The following CCDC60 variants were observed in gnomAD, a reference collection of about 807,000 sequenced individuals.
The protein encoded by CCDC60 is coiled-coil domain-containing protein 60.
CCDC60 carries 54 observed loss-of-function variants against 63.5 expected under a neutral mutation model. The ratio of observed to expected loss-of-function variants is 0.85; its 90% CI spans 0.68 to 1.07. The LOEUF is 1.07. Among genes scored for constraint, CCDC60 ranks in the 50% least tolerant of loss-of-function variants. CCDC60 has a pLI of 0.00. For missense variants in CCDC60, 651 were observed against 684.3 expected (o/e 0.95, Z 0.54); for synonymous variants, 206 against 238.8 (o/e 0.86, Z 1.27).
At chr12:119,407,907 T>C (rs915736127) in intron 1 of CCDC60, among the ~76,000 whole-genome samples, 1 of 152,244 alleles carries the variant, frequency 6.6e-6, no homozygotes, top group Non-Finnish European at 1.5e-5. Flanking sequence ...AGTTCAGTTA[T>C]GGAATGATCT....
chr12:119,431,930 CG>C (rs1753278868), intron 2 of CCDC60, among the ~76,000 whole-genome samples: 1 of 152,126 alleles, frequency 6.6e-6, no homozygotes, highest in Admixed American at 6.5e-5. Context: ...CTGCCCGCCT[CG>C]GCCTCCCAAA....
chr12:119,441,556 T>TAACA (rs1262822825), intron 2 of CCDC60, among the ~76,000 whole-genome samples: 1 of 152,180 alleles, frequency 6.6e-6, no homozygotes, highest in Non-Finnish European at 1.5e-5. Flanking sequence ...TTCCAGTCTC[T>TAACA]AACACCCCAA....
Position 119,420,437 on chromosome 12 carries a change from T to C in CCDC60, c.91-8246T>C, listed in dbSNP as rs1956792370. Among the ~76,000 whole-genome samples the C allele has an allele frequency of 6.6e-6, 1 of 152,168 alleles. No homozygotes were observed. Among genetic ancestry groups the C allele is most frequent in the Non-Finnish European group, 1.5e-5 (1 of 68,036 alleles). On this transcript the variant is annotated intron_variant, in intron 1 of 13. Coordinates refer to ENST00000327554, the MANE Select transcript of CCDC60 (RefSeq NM_178499.5). The surrounding 1 kb of genome is among the most constrained non-coding windows in gnomAD (Gnocchi z 4.1). ...TGGAACTGGAGATCATTATGTTAAGTGTGTTAAGTGAAACAAGCCAGACAC... is the reference window on the plus strand; with the variant it reads ...TGGAACTGGAGATCATTATGTTAAGCGTGTTAAGTGAAACAAGCCAGACAC...
chr12:119,535,683 A>G (rs1438335774), intron 13 of CCDC60, among the ~76,000 whole-genome samples: 1 of 152,186 alleles, frequency 6.6e-6, no homozygotes. Flanking sequence ...CCCAGTAGTC[A>G]TTCAGGAGCA....
At chr12:119,390,246 G>T (rs1446869768) in intron 1 of CCDC60, among the ~76,000 whole-genome samples, 1 of 152,030 alleles carries the variant, frequency 6.6e-6, no homozygotes, top group Non-Finnish European at 1.5e-5. Context: ...TCCTTCTTTG[G>T]GTCTGTTTAG....
intron 1 of CCDC60, among the ~76,000 whole-genome samples, chr12:119,399,835 G>C (rs1470523674): frequency 6.6e-6 from 1 of 152,178 alleles, no homozygotes; most frequent in Non-Finnish European, 1.5e-5. Context: ...TACGGGGTAT[G>C]ATCTGAGGAT....
chr12:119,498,341 T>C (rs370790371), intron 5 of CCDC60, among the ~76,000 whole-genome samples: 1 of 151,976 alleles, frequency 6.6e-6, no homozygotes, highest in African/African-American at 2.4e-5. Context: ...CTTTTTTTTT[T>C]CTTTTTTTGA....
chr12:119,460,204 G>A (rs981252095), intron 2 of CCDC60, among the ~76,000 whole-genome samples: 1 of 152,194 alleles, frequency 6.6e-6, no homozygotes, highest in African/African-American at 2.4e-5. Flanking sequence ...GAGAATATCA[G>A]AAAATTGCTC....
chr12:119,408,208 G>T (rs1442848431), intron 1 of CCDC60, among the ~76,000 whole-genome samples: 1 of 152,156 alleles, frequency 6.6e-6, no homozygotes, highest in Non-Finnish European at 1.5e-5. Flanking sequence ...GTTTATTCCT[G>T]TATAGCTGTA....
At chr12:119,350,520 A>G (rs1462781027) in intron 1 of CCDC60, among the ~76,000 whole-genome samples, 1 of 152,262 alleles carries the variant, frequency 6.6e-6, no homozygotes, top group South Asian at 2.1e-4. Flanking sequence ...GATGTGAGCC[A>G]CCATGCCCAG....
At chr12:119,378,194 G>C (rs997371680) in intron 1 of CCDC60, among the ~76,000 whole-genome samples, 1 of 152,198 alleles carries the variant, frequency 6.6e-6, no homozygotes, top group Non-Finnish European at 1.5e-5. Flanking sequence ...GGCGGGTGCC[G>C]TGTTGTCTGT....
chr12:119,433,982 C>G (rs1950281102), intron 2 of CCDC60, among the ~76,000 whole-genome samples: 1 of 152,200 alleles, frequency 6.6e-6, no homozygotes, highest in African/African-American at 2.4e-5. Flanking sequence ...GACGTACCTT[C>G]CTGCAAAGGT....
intron 2 of CCDC60, among the ~76,000 whole-genome samples, chr12:119,464,070 C>T (rs915220809): frequency 5.5e-5 from 6 of 108,802 alleles, no homozygotes; most frequent in South Asian, 2.6e-4. Context: ...CCTTCCTCTG[C>T]GCCTGGCCCA....
At chr12:119,374,534 G>A (rs903490304) in intron 1 of CCDC60, among the ~76,000 whole-genome samples, 4 of 152,154 alleles carry the variant, frequency 2.6e-5, no homozygotes, top group Non-Finnish European at 4.4e-5. Flanking sequence ...GGGTGGTGGT[G>A]TTCCTGGAAA....
In CCDC60 at chr12:119,427,730, T is replaced by TA. The variant is rs146231381; in HGVS notation, c.91-945dup. Among the ~76,000 whole-genome samples the TA allele has an allele frequency of 9.0e-3, 1,367 of 152,110 alleles. 22 individuals carry two copies. Among genetic ancestry groups the TA allele is most frequent in the African/African-American group, 0.031 (1,280 of 41,488 alleles). On this transcript the variant is annotated intron_variant, in intron 1 of 13. Coordinates refer to ENST00000327554, the MANE Select transcript of CCDC60 (RefSeq NM_178499.5). ...CATAATTTCTAAGTATTTTTTTATT[T>TA]AAAAAAAATCCTAAGGTGCAGGAAA...
intron 2 of CCDC60, chr12:119,447,717 G>A (rs1950566754): frequency 6.6e-6 from 1 of 152,216 alleles, no homozygotes; most frequent in Non-Finnish European, 1.5e-5. Context: ...CTGAACAACT[G>A]CTATGCACAA....
intron 1 of CCDC60, among the ~76,000 whole-genome samples, chr12:119,344,816 TTCTC>T (rs369578003): frequency 3.8e-4 from 42 of 110,302 alleles, no homozygotes; most frequent in Middle Eastern, 5.4e-3. Context: ...TCTTAGAACA[TTCTC>T]TCTCTCTCTC....
intron 5 of CCDC60, among the ~76,000 whole-genome samples, chr12:119,489,630 T>C (rs1171767783): frequency 6.6e-6 from 1 of 152,200 alleles, no homozygotes; most frequent in Non-Finnish European, 1.5e-5. Flanking sequence ...GTCAGGTTGT[T>C]TGCAAGAAGA....
chr12:119,527,291 A>G (rs1366169176), intron 11 of CCDC60, among the ~76,000 whole-genome samples: 1 of 151,974 alleles, frequency 6.6e-6, no homozygotes, highest in African/African-American at 2.4e-5. Flanking sequence ...GAGGGGGAGG[A>G]GCAAAAAAAT....
Sources: gnomAD v4.1 joint callset for allele counts (sites outside exome capture counted in the v4.1 genomes callset) on GRCh38, gnomAD v4.1.1 for gene constraint, Gnocchi (gnomAD v3.1) non-coding constraint, MANE v1.5 for transcripts, NCBI Gene and HGNC (gene_info 2026-07-23, HGNC 2026-07-21) for gene names.